The following GABRA4 variants were observed in gnomAD, a reference collection of about 807,000 sequenced individuals.
GABRA4 encodes gamma-aminobutyric acid type A receptor subunit alpha4, also known as gamma-aminobutyric acid receptor subunit alpha-4.
Under a neutral mutation model 49.7 loss-of-function variants are expected in GABRA4, and 12 were observed. The ratio of observed to expected loss-of-function variants is 0.24; its 90% CI spans 0.15 to 0.39. The LOEUF (loss-of-function observed/expected upper bound fraction) is 0.39, where lower values mean the gene tolerates loss of function less well. GABRA4 is among the 10% of genes least tolerant of loss of function. The pLI is 1.00. For synonymous variants in GABRA4, 288 were observed against 240.2 expected (o/e 1.20, Z -1.84); for missense variants, 506 against 686.0 (o/e 0.74, Z 2.93).
chr4:46,950,457 G>A (rs1030409148), intron 8 of GABRA4, among the ~76,000 whole-genome samples: 2 of 151,978 alleles, frequency 1.3e-5, no homozygotes, highest in Non-Finnish European at 2.9e-5. Flanking sequence ...AAAAAGAAGC[G>A]ACTAATAAGG....
intron 7 of GABRA4, among the ~76,000 whole-genome samples, chr4:46,969,024 C>T (rs1577779989): frequency 1.3e-5 from 2 of 151,794 alleles, no homozygotes; most frequent in African/African-American, 2.4e-5. Context: ...TAAATCAACT[C>T]ATTTAATCCT....
At chr4:46,952,880 CT>C (rs1722220139) in intron 8 of GABRA4, among the ~76,000 whole-genome samples, 2 of 151,462 alleles carry the variant, frequency 1.3e-5, no homozygotes, top group Non-Finnish European at 2.9e-5. Flanking sequence ...AGAAAAAAAC[CT>C]TTTAATAACA....
chr4:46,990,991 C>T (rs1354194585), intron 2 of GABRA4, among the ~76,000 whole-genome samples: 1 of 152,114 alleles, frequency 6.6e-6, no homozygotes, highest in Non-Finnish European at 1.5e-5. Flanking sequence ...CCAGCCTGGC[C>T]AACATGGTGA....
At chr4:46,944,201 T>G (rs1222997900) in intron 8 of GABRA4, among the ~76,000 whole-genome samples, 1 of 152,174 alleles carries the variant, frequency 6.6e-6, no homozygotes. Context: ...TAGTAATCAG[T>G]TCACCATGTA....
intron 8 of GABRA4, among the ~76,000 whole-genome samples, chr4:46,950,741 A>AATTAATT (rs376120511): frequency 2.6e-4 from 38 of 148,164 alleles, no homozygotes; most frequent in African/African-American, 7.7e-4. Context: ...ATAAATAAAT[A>AATTAATT]AATAAATTAC....
At chr4:46,945,502 C>T (rs1239646991) in intron 8 of GABRA4, among the ~76,000 whole-genome samples, 1 of 152,088 alleles carries the variant, frequency 6.6e-6, no homozygotes, top group Non-Finnish European at 1.5e-5. Flanking sequence ...TTTTTCCTCT[C>T]AATCATAGTT....
chr4:46,976,654 A>G lies in GABRA4; in HGVS notation c.577+407T>C, dbSNP rs186914131. Among the ~76,000 whole-genome samples, 448 of 151,754 alleles carry G rather than the reference A, an allele frequency of 3.0e-3. 1 individual carries two copies. The highest frequency in any genetic ancestry group is 4.8e-3 in the Non-Finnish European group (324 of 67,894). On this transcript the variant is annotated intron_variant, in intron 5 of 8. Coordinates refer to ENST00000264318, the MANE Select transcript of GABRA4 (RefSeq NM_000809.4). ...AGCTATGAAGGACTGCTTACAATAG[A>G]ATATCTATATATCTATCTATGTATC...
rs544298270 is a variant in GABRA4 at position 46,939,884 on chromosome 4, T to C, written c.1135-11129A>G. On this transcript the variant is annotated intron_variant, in intron 8 of 8. Transcript: ENST00000264318. ...CCCATTCATAATATTCTTTCTACTT[T>C]GATGCTTGACTGTCATGAAGTGCTT... 1.8e-4 allele frequency among the ~76,000 whole-genome samples: 27 copies of C among 152,158 alleles called. 1 individual carries two copies. Among genetic ancestry groups the C allele is most frequent in the African/African-American group, 5.8e-4 (24 of 41,574 alleles).
chr4:46,982,857 C>G (rs1029167004), intron 2 of GABRA4, among the ~76,000 whole-genome samples: 1 of 152,076 alleles, frequency 6.6e-6, no homozygotes, highest in Non-Finnish European at 1.5e-5. Flanking sequence ...TTGGTGATAA[C>G]AGCTTGGACT....
At chr4:46,958,019 C>A (rs1298667326) in intron 8 of GABRA4, among the ~76,000 whole-genome samples, 13 of 151,808 alleles carry the variant, frequency 8.6e-5, no homozygotes, top group Non-Finnish European at 1.5e-5. Context: ...TATATACATG[C>A]ATCATATGTA....
At position 46,921,635 on chromosome 4, in the gene GABRA4, T is replaced by C. The variant is rs1357929676; in HGVS notation, c.*6590A>G. On this transcript the variant is annotated 3_prime_UTR_variant, in exon 9 of 9. Transcript: ENST00000264318. ...ATACAGAAGGTAAAAGCCATGTAGC[T>C]CTGGTGGTCATATCAGTAAAAGATA... 3 of 152,068 alleles carry C rather than the reference T, an allele frequency of 2.0e-5. No homozygotes were observed. The highest frequency in any genetic ancestry group is 6.6e-5 in the Admixed American group (1 of 15,260). 9.4% of individuals were successfully genotyped at this position (152,068 alleles called of 1,614,324 possible). A position where few individuals can be genotyped will look rare whatever the true frequency, so the allele number is the denominator to read the frequency against.
chr4:46,993,345 G>A lies in GABRA4; in HGVS notation c.80C>T (p.Ala27Val). The A allele has an allele frequency of 6.2e-7, 1 of 1,614,020 alleles. No homozygotes were observed. The highest frequency in any genetic ancestry group is 8.5e-7 in the Non-Finnish European group (1 of 1,179,884). ...CGCACCCCAGAGAACTCACCAAACC[G>A]CCAGGCACAGGAAGCGCAGGAGGGC... The part of the protein sequence containing the change: ...SFALLRFLCL[A>V]VCLNESPGQN... The change falls in exon 1 of 9, where the codon GCG becomes GTG. Residue 27 changes from alanine (A) to valine (V), a missense_variant. Ala to Val is a moderately conservative substitution (Grantham distance 64, BLOSUM62 0). Transcript: ENST00000264318.
chr4:46,976,354 C>CAAA (rs71193888), intron 5 of GABRA4, among the ~76,000 whole-genome samples: 707 of 51,384 alleles, frequency 0.014, 27 homozygotes, highest in Middle Eastern at 0.029. Flanking sequence ...CACCCATTCT[C>CAAA]AAAAAAAAAA....
At chr4:46,961,758 G>T (rs986100492) in intron 8 of GABRA4, among the ~76,000 whole-genome samples, 1 of 151,774 alleles carries the variant, frequency 6.6e-6, no homozygotes, top group African/African-American at 2.4e-5. Flanking sequence ...ACAGGCATTT[G>T]TCTGCTGGTT....
chr4:46,973,688 T>C (rs992610170), intron 6 of GABRA4, among the ~76,000 whole-genome samples: 1 of 151,844 alleles, frequency 6.6e-6, no homozygotes, highest in Non-Finnish European at 1.5e-5. Flanking sequence ...TAATTCTTCC[T>C]ATTCACATTC....
chr4:46,983,430 C>T (rs574713529), intron 2 of GABRA4, among the ~76,000 whole-genome samples: 46 of 152,208 alleles, frequency 3.0e-4, no homozygotes, highest in African/African-American at 9.9e-4. Flanking sequence ...CAATGCCTTG[C>T]ACATATTAGG....
intron 8 of GABRA4, among the ~76,000 whole-genome samples, chr4:46,964,125 TG>T (rs1251688160): frequency 6.6e-6 from 1 of 151,872 alleles, no homozygotes; most frequent in African/African-American, 2.4e-5. Flanking sequence ...TGGATGGAAA[TG>T]GAGATCATCA....
intron 8 of GABRA4, among the ~76,000 whole-genome samples, chr4:46,952,361 A>G (rs1470662598): frequency 2.0e-5 from 3 of 152,100 alleles, no homozygotes; most frequent in African/African-American, 7.2e-5. Flanking sequence ...CTGAAATACT[A>G]GAAAATATTA....
chr4:46,988,614 C>A (rs928168318), intron 2 of GABRA4, among the ~76,000 whole-genome samples: 1 of 152,172 alleles, frequency 6.6e-6, no homozygotes, highest in Non-Finnish European at 1.5e-5. Flanking sequence ...TCCAACTTAA[C>A]CCAAATGCAT....
Sources: gnomAD v4.1 joint callset for allele counts (sites outside exome capture counted in the v4.1 genomes callset) on GRCh38, gnomAD v4.1.1 for gene constraint, MANE v1.5 for transcripts, NCBI Gene and HGNC (gene_info 2026-07-23, HGNC 2026-07-21) for gene names.